The following CFAP299 variants were observed in gnomAD, a reference collection of about 807,000 sequenced individuals.
The protein encoded by CFAP299 is cilia and flagella associated protein 299.
CFAP299 carries 21 observed loss-of-function variants against 27.0 expected under a neutral mutation model. The ratio of observed to expected loss-of-function variants is 0.78; its 90% CI spans 0.55 to 1.12. CFAP299 has a LOEUF of 1.12. CFAP299 is among the 50% of genes most tolerant of loss of function. The pLI, the probability that CFAP299 is intolerant of heterozygous loss-of-function variation, is 0.00. For missense variants in CFAP299, 310 were observed against 276.6 expected (o/e 1.12, Z -0.86); for synonymous variants, 104 against 98.1 (o/e 1.06, Z -0.36).
At chr4:80,328,815 T>C in the CFAP299 span, among the ~76,000 whole-genome samples, 1 of 152,204 alleles carries the variant, frequency 6.6e-6, no homozygotes, top group Non-Finnish European at 1.5e-5. Context: ...TATCACAGAA[T>C]TTTGAAGCTA....
intron 2 of CFAP299, among the ~76,000 whole-genome samples, chr4:80,452,140 T>TGA (rs1326148172): frequency 6.6e-6 from 1 of 152,154 alleles, no homozygotes. Context: ...CAGGGAAGCC[T>TGA]GACCTCTACC....
intron 3 of CFAP299, among the ~76,000 whole-genome samples, chr4:80,653,232 A>C (rs1740397868): frequency 6.6e-6 from 1 of 152,086 alleles, no homozygotes; most frequent in Non-Finnish European, 1.5e-5. Context: ...CAAACGGCAG[A>C]TCTACTGTCT....
At chr4:80,441,589 C>CA (rs1728359959) in intron 2 of CFAP299, among the ~76,000 whole-genome samples, 1 of 152,160 alleles carries the variant, frequency 6.6e-6, no homozygotes, top group Non-Finnish European at 1.5e-5. Context: ...CATTACCAGC[C>CA]ACTGCAACAA....
At chr4:80,637,973 G>A (rs371709191) in intron 3 of CFAP299, among the ~76,000 whole-genome samples, 1 of 152,128 alleles carries the variant, frequency 6.6e-6, no homozygotes, top group Non-Finnish European at 1.5e-5. Context: ...TAGCAATAAA[G>A]AAAATATTTT....
chr4:80,358,619 C>T (rs1723390773), intron 1 of CFAP299, among the ~76,000 whole-genome samples: 1 of 152,136 alleles, frequency 6.6e-6, no homozygotes, highest in Admixed American at 6.5e-5. Flanking sequence ...GGTTTAGAGT[C>T]TGTTTTGTCA....
chr4:80,418,928 C>T (rs975074027), intron 2 of CFAP299, among the ~76,000 whole-genome samples: 1 of 152,144 alleles, frequency 6.6e-6, no homozygotes, highest in Admixed American at 6.5e-5. Context: ...TATAACTTGG[C>T]CATTGTTAAT....
intron 3 of CFAP299, among the ~76,000 whole-genome samples, chr4:80,748,094 T>C (rs1238620778): frequency 2.0e-5 from 3 of 152,108 alleles, no homozygotes; most frequent in Non-Finnish European, 4.4e-5. Context: ...CACCACCATG[T>C]AGCCTCTAGT....
At chr4:80,672,958 A>G (rs1741587191) in intron 3 of CFAP299, among the ~76,000 whole-genome samples, 2 of 145,948 alleles carry the variant, frequency 1.4e-5, no homozygotes, top group African/African-American at 5.0e-5. Flanking sequence ...AAAAAAAAAC[A>G]GCTCCTGGAT....
At chr4:80,944,263 G>A (rs1737356873) in intron 4 of CFAP299, among the ~76,000 whole-genome samples, 1 of 145,988 alleles carries the variant, frequency 6.8e-6, no homozygotes, top group Admixed American at 6.8e-5. Flanking sequence ...TCCATAAAAT[G>A]AGAGCAACTT....
chr4:80,802,205 A>G (rs1040147250), intron 3 of CFAP299, among the ~76,000 whole-genome samples: 15 of 152,078 alleles, frequency 9.9e-5, no homozygotes, highest in Non-Finnish European at 2.1e-4. Context: ...AGGGATTGCA[A>G]GGATGGATAG....
At chr4:80,478,089 T>G (rs1730370616) in intron 2 of CFAP299, among the ~76,000 whole-genome samples, 4 of 152,198 alleles carry the variant, frequency 2.6e-5, no homozygotes, top group Admixed American at 2.6e-4. Flanking sequence ...TTTCAAAAAC[T>G]ATCTCCTTCC....
chr4:80,818,550 T>A (rs1389844746), intron 3 of CFAP299, among the ~76,000 whole-genome samples: 2 of 152,150 alleles, frequency 1.3e-5, no homozygotes, highest in African/African-American at 4.8e-5. Context: ...CTTCTTTATA[T>A]TAGCCACTCA....
chr4:80,726,174 T>C (rs1723149200), intron 3 of CFAP299, among the ~76,000 whole-genome samples: 1 of 152,196 alleles, frequency 6.6e-6, no homozygotes, highest in African/African-American at 2.4e-5. Context: ...CCTTTACTGG[T>C]ATTTTGTTAG....
intron 1 of CFAP299, among the ~76,000 whole-genome samples, chr4:80,357,884 G>A (rs1472978008): frequency 6.6e-6 from 1 of 151,708 alleles, no homozygotes; most frequent in Non-Finnish European, 1.5e-5. Flanking sequence ...AGCTTGCTTT[G>A]GGATTTGTTT....
At chr4:80,848,169 C>G (rs1357946216) in intron 3 of CFAP299, among the ~76,000 whole-genome samples, 1 of 151,810 alleles carries the variant, frequency 6.6e-6, no homozygotes, top group African/African-American at 2.4e-5. Context: ...TGAGATCATG[C>G]CACTGCACTC....
intron 4 of CFAP299, among the ~76,000 whole-genome samples, chr4:80,905,881 G>A (rs943355676): frequency 6.6e-6 from 1 of 152,116 alleles, no homozygotes; most frequent in East Asian, 1.9e-4. Context: ...TTTGGGTGGT[G>A]GTACAGCCAA....
At chr4:80,822,174 T>C (rs1158720250) in intron 3 of CFAP299, among the ~76,000 whole-genome samples, 1 of 152,216 alleles carries the variant, frequency 6.6e-6, no homozygotes, top group Non-Finnish European at 1.5e-5. Context: ...ATCCAACTTC[T>C]TATTTATTCA....
At chr4:80,640,340 A>G (rs995355492) in intron 3 of CFAP299, among the ~76,000 whole-genome samples, 2 of 152,152 alleles carry the variant, frequency 1.3e-5, no homozygotes, top group Non-Finnish European at 2.9e-5. Context: ...GTAGACTGAG[A>G]CCAGGTTGTT....
chr4:80,482,854 G>C (rs977387860), intron 2 of CFAP299, among the ~76,000 whole-genome samples: 1 of 152,156 alleles, frequency 6.6e-6, no homozygotes, highest in Non-Finnish European at 1.5e-5. Flanking sequence ...CTCAACGTTT[G>C]TCTTTTCAAT....
Sources: gnomAD v4.1 joint callset for allele counts (sites outside exome capture counted in the v4.1 genomes callset) on GRCh38, gnomAD v4.1.1 for gene constraint, MANE v1.5 for transcripts, NCBI Gene and HGNC (gene_info 2026-07-23, HGNC 2026-07-21) for gene names.